RDH13: variants seen among roughly 807,000 people sequenced by gnomAD.
The protein encoded by RDH13 is retinol dehydrogenase 13.
In RDH13, 35 loss-of-function variants were observed where a neutral mutation model predicts 28.3. That is an observed-to-expected ratio of 1.24 (90% CI 0.95 to 1.64). The LOEUF is 1.64. Ranked by LOEUF, RDH13 falls within the 40% of genes most tolerant of loss-of-function variation. The pLI is 0.00. For synonymous variants in RDH13, 229 were observed against 198.5 expected, an observed-to-expected ratio of 1.15 and a Z score of -1.29; for missense variants, 514 against 446.3, an observed-to-expected ratio of 1.15 and a Z score of -1.37.
Position 55,045,259 on chromosome 19 carries a change from T to C in RDH13, c.811A>G (p.Ser271Gly). Residue 271 changes from serine to glycine, a missense_variant, in exon 7 of 7, where the codon AGC becomes GGC. Coordinates refer to ENST00000415061, the MANE Select transcript of RDH13 (RefSeq NM_001145971.2). ...TCCTCCGCCACGGCCAGGTATGTGC[T>C]GGGCTGGGCGGCCAGCTCGGGGCTC... is the stretch of plus-strand genomic sequence containing the variant. Reference protein sequence around the residue: ...VKSPELAAQPSTYLAVAEELA... With the variant: ...VKSPELAAQPGTYLAVAEELA... 1.2e-6 allele frequency: 2 copies of C among 1,613,208 alleles called. No individual in the cohort carries two copies. Among genetic ancestry groups the C allele is most frequent in the Non-Finnish European group, 1.7e-6 (2 of 1,180,010 alleles).
At chr19:55,052,029 G>A (rs772004406) in intron 3 of RDH13, among the ~76,000 whole-genome samples, 21 of 150,466 alleles carry the variant, frequency 1.4e-4, no homozygotes, top group Non-Finnish European at 2.5e-4. Flanking sequence ...ACAGTGCCTG[G>A]CCTGTTGTTT....
chr19:55,068,182 T>TC (rs1160839308), intron 1 of RDH13, among the ~76,000 whole-genome samples: 1 of 149,432 alleles, frequency 6.7e-6, no homozygotes, highest in African/African-American at 2.5e-5. Context: ...TCTCTCTCTC[T>TC]CCCCCCAACT....
intron 4 of RDH13, 55 bp from the exon 5 acceptor site, chr19:55,048,596 C>T: frequency 6.2e-7 from 1 of 1,610,486 alleles, no homozygotes; most frequent in Non-Finnish European, 8.5e-7. Flanking sequence ...AATCCCAGCA[C>T]TTTGGGAGGA....
Position 55,047,424 on chromosome 19 carries a change from C to A in RDH13, c.723G>T (p.Thr241=), listed in dbSNP as rs745851848. ...TGGAGAAGGTGGAGCCATGGATGCC[C>A]GTGTGTCTGCCCAGCTCTGTCCTGG... ...GVARTELGRH[T]GIHGSTFSST... Residue 241 remains threonine (T), a synonymous_variant, in exon 6 of 7, where the codon ACG becomes ACT. Coordinates refer to ENST00000415061, the MANE Select transcript of RDH13 (RefSeq NM_001145971.2). The A allele has an allele frequency of 6.2e-7, 1 of 1,611,656 alleles. No individual in the cohort carries two copies. Among genetic ancestry groups the A allele is most frequent in the Non-Finnish European group, 8.5e-7 (1 of 1,179,938 alleles).
intron 6 of RDH13, 124 bp downstream of exon 6, chr19:55,047,263 G>A: frequency 6.8e-7 from 1 of 1,462,256 alleles, no homozygotes; most frequent in Non-Finnish European, 9.0e-7. Flanking sequence ...TGCCTCAGAA[G>A]ACGTAGGCGA....
At position 55,047,505 on chromosome 19, in the gene RDH13, G is replaced by GAGA; in HGVS notation, c.659-20_659-18dup. The GAGA allele has an allele frequency of 6.3e-7, 1 of 1,595,838 alleles. No individual in the cohort carries two copies. The highest frequency in any genetic ancestry group is 8.5e-7 in the Non-Finnish European group (1 of 1,176,396). On this transcript the variant is annotated splice_polypyrimidine_tract_variant and intron_variant, in intron 5 of 6. Transcript: ENST00000415061. ...CACCAGAGCCTGGGGAAGAAAGAAA[G>GAGA]AGAAGACTGAGGGAGGGGTCCAGCC...
chr19:55,059,954 C>T (rs996382439), intron 1 of RDH13, among the ~76,000 whole-genome samples: 5 of 152,156 alleles, frequency 3.3e-5, no homozygotes, highest in African/African-American at 7.2e-5. Flanking sequence ...TAAAAGTCAT[C>T]GCCAGTCTCT....
chr19:55,045,853 G>A (rs1012811211), intron 6 of RDH13, among the ~76,000 whole-genome samples: 1 of 151,354 alleles, frequency 6.6e-6, no homozygotes, highest in Admixed American at 6.6e-5. Flanking sequence ...GGCTGGGGCA[G>A]GAGAATCCCT....
chr19:55,039,109 TAC>T (rs1002784941), exon 3 of RDH13: 7 of 152,184 alleles, frequency 4.6e-5, no homozygotes, highest in Admixed American at 3.3e-4. Context: ...AACATATTTG[TAC>T]ACAGTGTTCA....
upstream of RDH13, chr19:55,063,244 T>A (rs1440220916): frequency 9.7e-6 from 4 of 412,316 alleles, no homozygotes; most frequent in Non-Finnish European, 1.3e-5. Context: ...TGAGCATCGG[T>A]CCTGAGCGCT....
intron 1 of RDH13, among the ~76,000 whole-genome samples, chr19:55,061,350 C>T (rs1205367467): frequency 4.0e-5 from 6 of 151,656 alleles, no homozygotes; most frequent in Admixed American, 3.9e-4. Flanking sequence ...AGGCTGGTCT[C>T]GAACTCCTGA....
chr19:55,055,951 G>A (rs576131868), intron 3 of RDH13, among the ~76,000 whole-genome samples: 39 of 151,192 alleles, frequency 2.6e-4, no homozygotes, highest in South Asian at 4.2e-4. Context: ...TCAGGAGTTC[G>A]AGACCAGCCT....
downstream of RDH13, chr19:55,042,251 C>T (rs2075053097): frequency 6.6e-6 from 1 of 152,082 alleles, no homozygotes; most frequent in South Asian, 2.1e-4. Flanking sequence ...CCGTCCCACG[C>T]AATGGGGTGT....
chr19:55,050,131 G>C (rs929131834), intron 3 of RDH13, among the ~76,000 whole-genome samples: 2 of 150,966 alleles, frequency 1.3e-5, no homozygotes, highest in African/African-American at 4.9e-5. Flanking sequence ...TTTTTGGGGG[G>C]GGGAGATGGA....
chr19:55,047,951 G>A (rs1473028365), intron 5 of RDH13: 2 of 919,752 alleles, frequency 2.2e-6, no homozygotes, highest in African/African-American at 3.4e-5. Flanking sequence ...TTACCCTCCA[G>A]ATGCCCAGAG....
chr19:55,062,832 C>G (rs903257600), intron 1 of RDH13, 136 bp downstream of exon 1: 10 of 734,570 alleles, frequency 1.4e-5, no homozygotes, highest in Middle Eastern at 4.3e-4. Context: ...AGGTTTGCCC[C>G]ACTCCGGGCG....
intron 2 of RDH13, 104 bp from the exon 3 acceptor site, chr19:55,056,912 G>C: frequency 1.0e-6 from 1 of 989,660 alleles, no homozygotes; most frequent in Non-Finnish European, 1.5e-6. Context: ...ATCCACCAAT[G>C]TTCACTGCGG....
intron 5 of RDH13, 173 bp downstream of exon 5, chr19:55,048,156 G>C: frequency 6.5e-7 from 1 of 1,534,564 alleles, no homozygotes; most frequent in South Asian, 1.2e-5. Flanking sequence ...AAGAACGATC[G>C]ATTAGTGATG....
chr19:55,064,070 T>C (rs2075894083), upstream of RDH13: 3 of 152,160 alleles, frequency 2.0e-5, no homozygotes, highest in South Asian at 4.1e-4. Context: ...TGAACTGTCA[T>C]CTTCTTATAT....
Sources: allele counts gnomAD v4.1 joint callset (sites outside exome capture counted in the v4.1 genomes callset), GRCh38; gene constraint gnomAD v4.1.1; transcripts MANE v1.5; gene names NCBI Gene and HGNC (gene_info 2026-07-23, HGNC 2026-07-21).